The following ABCA5 variants were observed in gnomAD, a reference collection of about 807,000 sequenced individuals.
ABCA5 encodes the protein cholesterol transporter ABCA5.
In ABCA5, 163 loss-of-function variants were observed where a neutral mutation model predicts 206.0. That is an observed-to-expected ratio of 0.79 (90% CI 0.70 to 0.90). The LOEUF (loss-of-function observed/expected upper bound fraction) is 0.90, where lower values mean the gene tolerates loss of function less well. ABCA5 is among the 40% of genes least tolerant of loss of function. The probability of loss-of-function intolerance (pLI) is 0.00; values close to 1 mark genes in which losing one functional copy is unlikely to be tolerated. For synonymous variants in ABCA5, 609 were observed against 613.8 expected (o/e 0.99, Z 0.11); for missense variants, 1,859 against 1,912.9 (o/e 0.97, Z 0.53).
intron 19 of ABCA5, among the ~76,000 whole-genome samples, chr17:69,274,724 T>C (rs1037743483): frequency 6.6e-6 from 1 of 152,118 alleles, no homozygotes; most frequent in Non-Finnish European, 1.5e-5. Flanking sequence ...TAAATTTTTC[T>C]AAGAGTATGT....
chr17:69,285,867 C>A, intron 17 of ABCA5, 31 bp downstream of exon 17: 2 of 1,586,648 alleles, frequency 1.3e-6, no homozygotes, highest in South Asian at 2.3e-5. Flanking sequence ...GATCCCAGTT[C>A]AAACACCAAG....
chr17:69,314,747 A>C (rs1309048564), intron 1 of ABCA5: 2 of 212,294 alleles, frequency 9.4e-6, no homozygotes, highest in Non-Finnish European at 1.9e-5. Context: ...TGAATTGAGG[A>C]ATGGGCAAGG....
Position 69,287,619 on chromosome 17 carries a change from G to C in ABCA5, c.2035C>G (p.Leu679Val). 1 of 1,608,076 alleles carries C rather than the reference G, an allele frequency of 6.2e-7. No homozygotes were observed. The highest frequency in any genetic ancestry group is 8.5e-7 in the Non-Finnish European group (1 of 1,177,876). The change falls in exon 15 of 39, where the codon CTT becomes GTT. Residue 679 changes from leucine to valine, a missense_variant. Coordinates refer to ENST00000392676, the MANE Select transcript of ABCA5 (RefSeq NM_172232.4). ...STHFMDEADI[L>V]ADRKAVISQG... is the part of the protein sequence containing the mutation. ...AATAAAACAAAAATCTCACCTGCAA[G>C]AATGTCAGCTTCATCCATGAAATGA...
intron 18 of ABCA5, among the ~76,000 whole-genome samples, chr17:69,281,656 A>G (rs912008194): frequency 6.6e-6 from 1 of 152,216 alleles, no homozygotes; most frequent in African/African-American, 2.4e-5. Flanking sequence ...GGTATCATAA[A>G]CGTAGGACTA....
At position 69,326,815 on chromosome 17, in the gene ABCA5, C is replaced by T. The variant is rs2075899642; in HGVS notation, c.-16+237G>A. Among the ~76,000 whole-genome samples, 1 of 152,110 alleles carries T rather than the reference C, an allele frequency of 6.6e-6. No individual in the cohort carries two copies. The highest frequency in any genetic ancestry group is 1.9e-4 in the East Asian group (1 of 5,164). On this transcript the variant is annotated intron_variant, in intron 1 of 38. Transcript: ENST00000392676. The surrounding 1 kb of genome is among the most constrained non-coding windows in gnomAD (Gnocchi z 4.8). ...CACGTCCGCATCCTGGGCGCTCCCA[C>T]CGCATCCCCGAGGCTGGCAACCCGC...
chr17:69,312,906 T>A (rs1177444735), intron 3 of ABCA5, among the ~76,000 whole-genome samples, 186 bp downstream of exon 3: 1 of 152,114 alleles, frequency 6.6e-6, no homozygotes, highest in Non-Finnish European at 1.5e-5. Flanking sequence ...ACCAAGAATA[T>A]AAATTAATGT....
chr17:69,324,609 C>T, intron 1 of ABCA5, among the ~76,000 whole-genome samples: 1 of 152,208 alleles, frequency 6.6e-6, no homozygotes, highest in East Asian at 1.9e-4. Context: ...TCCCAATCCC[C>T]AAATCTCCAA....
chr17:69,308,686 G>A (rs541495468), intron 4 of ABCA5, among the ~76,000 whole-genome samples: 14 of 152,200 alleles, frequency 9.2e-5, no homozygotes, highest in African/African-American at 2.9e-4. Context: ...ACATGACTTA[G>A]CTCTAAAGCA....
At chr17:69,289,707 C>T (rs1209988061) in intron 13 of ABCA5, among the ~76,000 whole-genome samples, 155 bp downstream of exon 13, 1 of 152,070 alleles carries the variant, frequency 6.6e-6, no homozygotes, top group African/African-American at 2.4e-5. Flanking sequence ...ACATTTACTC[C>T]AAATTCTGTC....
At chr17:69,316,644 G>A (rs1179511178) in intron 1 of ABCA5, among the ~76,000 whole-genome samples, 2 of 145,966 alleles carry the variant, frequency 1.4e-5, no homozygotes, top group Non-Finnish European at 3.0e-5. Context: ...TTCCAATTTA[G>A]CAAGGGATAT....
chr17:69,261,510 G>A, intron 25 of ABCA5, 125 bp downstream of exon 25: 1 of 616,724 alleles, frequency 1.6e-6, no homozygotes, highest in Non-Finnish European at 2.8e-6. Context: ...ACAAAAAGAA[G>A]CTGCCAATTA....
chr17:69,270,110 T>C (rs1275244107), intron 22 of ABCA5, among the ~76,000 whole-genome samples: 3 of 152,154 alleles, frequency 2.0e-5, no homozygotes, highest in African/African-American at 4.8e-5. Flanking sequence ...TTTTTAAAAG[T>C]ATGAAAAGAA....
In ABCA5 at chr17:69,245,133, A is replaced by G. The variant is rs948548336; in HGVS notation, c.*2404T>C. The G allele has an allele frequency of 1.3e-5, 2 of 151,818 alleles. No homozygotes were observed. The highest frequency in any genetic ancestry group is 4.8e-5 in the African/African-American group (2 of 41,512). 9.4% of individuals were successfully genotyped at this position (151,818 alleles called of 1,614,324 possible). A position where few individuals can be genotyped will look rare whatever the true frequency, so the allele number is the denominator to read the frequency against. On this transcript the variant is annotated 3_prime_UTR_variant, in exon 39 of 39. Coordinates refer to ENST00000392676, the MANE Select transcript of ABCA5 (RefSeq NM_172232.4). ...AGATAATTTGTGCAAATTTAAAAGAAAAAAATTATTTTAAAGAAAACCCAC... is the reference window on the plus strand; with the variant it reads ...AGATAATTTGTGCAAATTTAAAAGAGAAAAATTATTTTAAAGAAAACCCAC...
intron 1 of ABCA5, among the ~76,000 whole-genome samples, chr17:69,325,294 A>G (rs1423339235): frequency 6.7e-6 from 1 of 149,758 alleles, no homozygotes; most frequent in Non-Finnish European, 1.5e-5. Flanking sequence ...GGGTGACAGA[A>G]TGAGACCCTG....
At position 69,297,279 on chromosome 17, in the gene ABCA5, A is replaced by C. The variant is rs745333914; in HGVS notation, c.1348T>G (p.Leu450Val). The change falls in exon 10 of 39, where the codon TTA (leucine) becomes GTA (valine). Residue 450 changes from leucine (L) to valine (V), a missense_variant. Physicochemically the swap from Leu to Val is conservative, Grantham distance 32. Transcript: ENST00000392676. ...TTTCCATTAACATTGCCCTCTGATA[A>C]CTCCTCATAATTTCTTTTGCTCTTT... Reference protein sequence around the residue: ...WSKSKRNYEELSEGNVNGNIS... With the variant: ...WSKSKRNYEEVSEGNVNGNIS... The C allele has an allele frequency of 5.0e-6, 8 of 1,612,986 alleles. No homozygotes were observed. The East Asian group carries it at 1.8e-4, about 36-fold the overall frequency.
chr17:69,297,406 AAT>A (rs1318287910), intron 9 of ABCA5, 47 bp from the exon 10 acceptor site: 1 of 1,526,094 alleles, frequency 6.6e-7, no homozygotes, highest in African/African-American at 1.4e-5. Flanking sequence ...TTAGTTTTTA[AAT>A]CATAAAGACA....
chr17:69,248,175 T>C (rs2074972643), intron 38 of ABCA5, 87 bp downstream of exon 38: 1 of 742,996 alleles, frequency 1.3e-6, no homozygotes, highest in South Asian at 1.9e-5. Flanking sequence ...GTTTACGATA[T>C]CTCTCCCTCT....
chr17:69,317,736 T>C (rs948326029), intron 1 of ABCA5: 1 of 152,208 alleles, frequency 6.6e-6, no homozygotes, highest in African/African-American at 2.4e-5. Context: ...TCTTCCAGGG[T>C]ACATTTACCC....
Position 69,285,880 on chromosome 17 carries a change from A to G in ABCA5, c.2272+18T>C, listed in dbSNP as rs548661007. ...AGGATCCCAGTTCAAACACCAAGAG[A>G]CTTAAAGTAAGTAATACCTGAAAAT... is the stretch of plus-strand genomic sequence containing the variant. On this transcript the variant is annotated intron_variant, in intron 17 of 38. Transcript: ENST00000392676. 6.2e-7 allele frequency: 1 copy of G among 1,604,920 alleles called. No homozygotes were observed. The highest frequency in any genetic ancestry group is 8.5e-7 in the Non-Finnish European group (1 of 1,176,114).
Sources: gnomAD v4.1 joint callset for allele counts (sites outside exome capture counted in the v4.1 genomes callset) on GRCh38, gnomAD v4.1.1 for gene constraint, Gnocchi (gnomAD v3.1) non-coding constraint, MANE v1.5 for transcripts, NCBI Gene and HGNC (gene_info 2026-07-23, HGNC 2026-07-21) for gene names.